The following SGK3 variants were observed in gnomAD, a reference collection of about 807,000 sequenced individuals.
The protein encoded by SGK3 is serine/threonine-protein kinase Sgk3.
Under a neutral mutation model 68.5 loss-of-function variants are expected in SGK3, and 47 were observed. The observed-to-expected ratio is 0.69, with a 90% CI of 0.54 to 0.87. The LOEUF (loss-of-function observed/expected upper bound fraction) is 0.87, where lower values mean the gene tolerates loss of function less well. SGK3 is among the 40% of genes least tolerant of loss of function. The pLI is 0.00. For missense variants in SGK3, 479 were observed against 575.5 expected (o/e 0.83, Z 1.72); for synonymous variants, 181 against 189.1 (o/e 0.96, Z 0.35).
At chr8:66,767,579 C>T in intron 1 of SGK3, 1 of 1,418,586 alleles carries the variant, frequency 7.0e-7, no homozygotes, top group Non-Finnish European at 1.0e-6. Context: ...AGAGGCACTT[C>T]ACTCAAGGGG....
chr8:66,786,281 A>G (rs967402907), intron 1 of SGK3, among the ~76,000 whole-genome samples: 18 of 152,224 alleles, frequency 1.2e-4, no homozygotes, highest in African/African-American at 4.1e-4. Context: ...GCAGGGTAGT[A>G]TAATGGATAG....
At chr8:66,786,758 C>T (rs143911480) in intron 1 of SGK3, among the ~76,000 whole-genome samples, 282 of 152,168 alleles carry the variant, frequency 1.9e-3, no homozygotes, top group African/African-American at 6.6e-3. Flanking sequence ...TGCTTCCATA[C>T]CTGCCTGGCT....
intron 1 of SGK3, among the ~76,000 whole-genome samples, chr8:66,765,822 G>T (rs557269856): frequency 8.5e-4 from 130 of 152,148 alleles, no homozygotes; most frequent in Middle Eastern, 6.8e-3. Context: ...TCAGGAGTTT[G>T]AGACCAGCCT....
chr8:66,781,614 G>T (rs1456843197), intron 1 of SGK3, among the ~76,000 whole-genome samples: 2 of 152,192 alleles, frequency 1.3e-5, no homozygotes, highest in African/African-American at 4.8e-5. Flanking sequence ...GTAATAAAAT[G>T]GAGCTGGCTC....
At chr8:66,777,852 G>A (rs574182167) in intron 1 of SGK3, 86 of 152,338 alleles carry the variant, frequency 5.6e-4, no homozygotes, top group African/African-American at 1.9e-3. Flanking sequence ...TAGAATTAAG[G>A]CTTTAATGGT....
At chr8:66,805,547 A>T (rs1242932425) in intron 4 of SGK3, among the ~76,000 whole-genome samples, 4 of 150,618 alleles carry the variant, frequency 2.7e-5, no homozygotes, top group African/African-American at 9.8e-5. Context: ...AGAGAGAGGG[A>T]CATCCTATTG....
At position 66,747,509 on chromosome 8, in the gene SGK3, T is replaced by C. The variant is rs1355183083; in HGVS notation, c.-122+34676T>C. Among the ~76,000 whole-genome samples the C allele has an allele frequency of 3.3e-5, 5 of 152,150 alleles. No individual in the cohort carries two copies. In the East Asian group the frequency reaches 7.7e-4, roughly 23 times the overall value. On this transcript the variant is annotated intron_variant, in intron 1 of 16. Coordinates refer to ENST00000521198, the MANE Select transcript of SGK3 (RefSeq NM_001033578.3). ...ACCAAGATCTGGTATGGTGCCATAT[T>C]ATGAAAGAATGGTCCTATGTGTGAT...
intron 1 of SGK3, among the ~76,000 whole-genome samples, chr8:66,734,497 G>A (rs1229812632): frequency 1.3e-5 from 2 of 152,072 alleles, no homozygotes; most frequent in Non-Finnish European, 2.9e-5. Flanking sequence ...CCTGGGAAAA[G>A]TAGGAGGCAA....
At position 66,843,433 on chromosome 8, in the gene SGK3, A is replaced by G. The variant is rs1809873996; in HGVS notation, c.979-19A>G. 1.2e-6 allele frequency: 2 copies of G among 1,601,412 alleles called. No homozygotes were observed. The highest frequency in any genetic ancestry group is 1.1e-5 in the South Asian group (1 of 89,072). ...GATTTGTTTACTGACTTGCTCTAAT[A>G]TTTTATTGTTTTCTATAGTATCTTG... On this transcript the variant is annotated intron_variant, in intron 13 of 16. Coordinates refer to ENST00000521198, the MANE Select transcript of SGK3 (RefSeq NM_001033578.3).
chr8:66,828,679 A>C lies in SGK3; in HGVS notation c.443A>C (p.Asn148Thr), dbSNP rs771380473. The part of the protein sequence containing the change: ...QKLHSTSQNI[N>T]LGPSGNPHAK... ...CTACACTCTACCTCACAGAACATCA[A>C]CCTGGGACCGTCTGGAAATCCTCAG... is the stretch of plus-strand genomic sequence containing the variant. The change falls in exon 7 of 17, where the codon AAC (asparagine) becomes ACC (threonine). Residue 148 changes from asparagine (N) to threonine (T), a missense_variant. By Grantham distance (65) the Asn-to-Thr change is moderately conservative. Around this residue, in one of 3 missense-constraint regions of SGK3, gnomAD observed 298 missense variants for 329.4 expected, o/e 0.90. Coordinates refer to ENST00000521198, the MANE Select transcript of SGK3 (RefSeq NM_001033578.3). 7 of 1,613,808 alleles carry C rather than the reference A, an allele frequency of 4.3e-6. No individual in the cohort carries two copies. In the South Asian group the frequency reaches 7.7e-5, roughly 18 times the overall value.
At position 66,861,511 on chromosome 8, in the gene SGK3, G is replaced by A. The variant is rs1188361335; in HGVS notation, c.*1930G>A. On this transcript the variant is annotated 3_prime_UTR_variant, in exon 17 of 17. Coordinates refer to ENST00000521198, the MANE Select transcript of SGK3 (RefSeq NM_001033578.3). ...AAAAATAAAAAATAAGCTTACCTTGGATTCTTGGCTTAGAGTAGAGGTTTT... is the reference window on the plus strand; with the variant it reads ...AAAAATAAAAAATAAGCTTACCTTGAATTCTTGGCTTAGAGTAGAGGTTTT... 2 of 152,112 alleles carry A rather than the reference G, an allele frequency of 1.3e-5. No homozygotes were observed. Among genetic ancestry groups the A allele is most frequent in the Non-Finnish European group, 2.9e-5 (2 of 68,034 alleles). 9.4% of individuals were successfully genotyped at this position (152,112 alleles called of 1,614,324 possible).
At chr8:66,743,924 G>T (rs1025448817) in intron 1 of SGK3, among the ~76,000 whole-genome samples, 3 of 152,168 alleles carry the variant, frequency 2.0e-5, no homozygotes, top group African/African-American at 7.2e-5. Context: ...CCATTTCCCT[G>T]CTGGAACCTT....
chr8:66,749,817 A>G (rs1381080724), intron 1 of SGK3, among the ~76,000 whole-genome samples: 2 of 152,076 alleles, frequency 1.3e-5, no homozygotes, highest in Non-Finnish European at 2.9e-5. Flanking sequence ...CATGGTTTCA[A>G]GAGTTGGAAT....
chr8:66,839,979 C>G (rs1809732826), intron 10 of SGK3, 24 bp from the exon 11 acceptor site: 1 of 1,603,880 alleles, frequency 6.2e-7, no homozygotes, highest in Non-Finnish European at 8.5e-7. Flanking sequence ...CTCTCTCCCC[C>G]CACCCCCACA....
chr8:66,738,232 A>C (rs1346699049), intron 1 of SGK3, among the ~76,000 whole-genome samples: 1 of 152,104 alleles, frequency 6.6e-6, no homozygotes, highest in Non-Finnish European at 1.5e-5. Context: ...ATATTTCTCA[A>C]GTCTATCCCA....
rs1428148678 is a variant in SGK3, at chr8:66,744,993, G to T, written c.-122+32160G>T. 4.6e-5 allele frequency among the ~76,000 whole-genome samples: 7 copies of T among 151,814 alleles called. No individual in the cohort carries two copies. The East Asian group carries it at 1.4e-3, about 29-fold the overall frequency. ...TCTAACTGTAATTTTTAGTTTCTAAGAAGTCTTTCTTGTTCTCTGTGCTTT... is the reference window on the plus strand; with the variant it reads ...TCTAACTGTAATTTTTAGTTTCTAATAAGTCTTTCTTGTTCTCTGTGCTTT... On this transcript the variant is annotated intron_variant, in intron 1 of 16. Transcript: ENST00000521198.
intron 1 of SGK3, among the ~76,000 whole-genome samples, chr8:66,727,186 C>T (rs1031454732): frequency 6.6e-6 from 1 of 152,126 alleles, no homozygotes; most frequent in Non-Finnish European, 1.5e-5. Context: ...ACTGCAGCCT[C>T]GATCTCCTAG....
intron 5 of SGK3, among the ~76,000 whole-genome samples, chr8:66,819,912 G>A (rs905783296): frequency 1.3e-5 from 2 of 151,742 alleles, no homozygotes; most frequent in African/African-American, 4.8e-5. Flanking sequence ...CCGCCTCCTG[G>A]GTTCAAGAGA....
intron 1 of SGK3, among the ~76,000 whole-genome samples, chr8:66,727,052 G>A (rs1406605488): frequency 6.6e-6 from 1 of 152,044 alleles, no homozygotes; most frequent in Non-Finnish European, 1.5e-5. Flanking sequence ...TTGCATGTTA[G>A]CTAAGTTCCT....
Sources: allele counts gnomAD v4.1 joint callset (sites outside exome capture counted in the v4.1 genomes callset), GRCh38; gene constraint gnomAD v4.1.1; regional missense constraint gnomAD v4.1.1; transcripts MANE v1.5; gene names NCBI Gene and HGNC (gene_info 2026-07-23, HGNC 2026-07-21).